RNF217: variants seen among roughly 807,000 people sequenced by gnomAD.
The protein encoded by RNF217 is E3 ubiquitin-protein ligase RNF217.
Under a neutral mutation model 57.8 loss-of-function variants are expected in RNF217, and 31 were observed. The ratio of observed to expected loss-of-function variants is 0.54; its 90% CI spans 0.40 to 0.72. RNF217 has a LOEUF of 0.72. RNF217 is among the 30% of genes least tolerant of loss of function. The pLI is 0.00. For missense variants in RNF217, 696 were observed against 708.3 expected, an observed-to-expected ratio of 0.98 and a Z score of 0.20; for synonymous variants, 313 against 294.0, an observed-to-expected ratio of 1.06 and a Z score of -0.66.
chr6:124,985,443 A>G (rs1490423353), intron 1 of RNF217, among the ~76,000 whole-genome samples: 1 of 152,218 alleles, frequency 6.6e-6, no homozygotes, highest in African/African-American at 2.4e-5. Context: ...TTGTGTTACA[A>G]ATAATCCAAT....
At chr6:125,050,515 A>G (rs1437128219) in intron 2 of RNF217, among the ~76,000 whole-genome samples, 2 of 151,972 alleles carry the variant, frequency 1.3e-5, no homozygotes. Flanking sequence ...AACACTACAC[A>G]AATATTTTCT....
intron 1 of RNF217, chr6:124,983,316 GT>G: frequency 1.1e-6 from 1 of 952,004 alleles, no homozygotes. Context: ...TAATTATTTG[GT>G]TTTCATGGTA....
At chr6:124,978,881 C>T (rs1047850068) in intron 1 of RNF217, among the ~76,000 whole-genome samples, 15 of 152,166 alleles carry the variant, frequency 9.9e-5, no homozygotes, top group East Asian at 1.9e-4. Flanking sequence ...AAGCTGTCAG[C>T]GGACAGGGCA....
In RNF217 at chr6:125,088,419, T is replaced by G. The variant is rs1177675475; in HGVS notation, c.*5482T>G. 1 of 152,172 alleles carries G rather than the reference T, an allele frequency of 6.6e-6. No homozygotes were observed. The highest frequency in any genetic ancestry group is 1.5e-5 in the Non-Finnish European group (1 of 68,028). 9.4% of individuals were successfully genotyped at this position (152,172 alleles called of 1,614,324 possible). On this transcript the variant is annotated 3_prime_UTR_variant, in exon 6 of 6. Transcript: ENST00000521654. The stretch of plus-strand genomic sequence containing the variant: ...AGCCAAACTTTGTGTGGGACTTCTA[T>G]TGTTACTAATTGTAAGGCTGTAACT...
At chr6:125,009,653 A>AT (rs950870910) in intron 1 of RNF217, among the ~76,000 whole-genome samples, 8 of 146,304 alleles carry the variant, frequency 5.5e-5, no homozygotes, top group Non-Finnish European at 7.6e-5. Context: ...TTTTCTTTCT[A>AT]TTTTTTTTAA....
At chr6:125,043,561 A>G (rs565590642) in intron 1 of RNF217, among the ~76,000 whole-genome samples, 106 of 152,172 alleles carry the variant, frequency 7.0e-4, no homozygotes, top group Non-Finnish European at 1.4e-3. Flanking sequence ...GAAACATTTA[A>G]TCATTTTTTA....
At chr6:125,011,862 G>A (rs1785426200) in intron 1 of RNF217, among the ~76,000 whole-genome samples, 1 of 151,840 alleles carries the variant, frequency 6.6e-6, no homozygotes, top group South Asian at 2.1e-4. Context: ...TTCTCGGTGA[G>A]ATAATAACTG....
At chr6:125,019,036 AC>A (rs1785723814) in intron 1 of RNF217, among the ~76,000 whole-genome samples, 1 of 152,172 alleles carries the variant, frequency 6.6e-6, no homozygotes, top group South Asian at 2.1e-4. Flanking sequence ...ATCCTAGGTT[AC>A]TGCTGCTTGG....
chr6:125,057,778 T>A (rs1292060023), intron 2 of RNF217, among the ~76,000 whole-genome samples, 164 bp from the exon 3 acceptor site: 1 of 152,176 alleles, frequency 6.6e-6, no homozygotes, highest in Non-Finnish European at 1.5e-5. Flanking sequence ...AATTCTTTCC[T>A]GTAGTAACAG....
intron 1 of RNF217, among the ~76,000 whole-genome samples, chr6:125,011,899 C>A (rs192781582): frequency 6.6e-6 from 1 of 152,118 alleles, no homozygotes; most frequent in East Asian, 1.9e-4. Flanking sequence ...GTGCTGAGTT[C>A]TTGACTCTTT....
intron 1 of RNF217, among the ~76,000 whole-genome samples, chr6:125,038,002 A>G (rs1316232372): frequency 6.6e-6 from 1 of 152,114 alleles, no homozygotes; most frequent in African/African-American, 2.4e-5. Context: ...GAGTTTAATT[A>G]ATTAGTCTGC....
rs536718548 is a variant in RNF217, at chr6:125,087,250, T to A, written c.*4313T>A. ...GAATTACAAAAAAGTTAGTGGCCTC[T>A]ATAACCTTAATTGGCATACTTTACT... On this transcript the variant is annotated 3_prime_UTR_variant, in exon 6 of 6. Coordinates refer to ENST00000521654, the MANE Select transcript of RNF217 (RefSeq NM_001286398.3). 3.9e-5 allele frequency: 6 copies of A among 152,290 alleles called. No homozygotes were observed. Among genetic ancestry groups the A allele is most frequent in the African/African-American group, 1.4e-4 (6 of 41,570 alleles). The allele number at this position is 152,290 out of a possible 1,614,324, so 9.4% of individuals were successfully genotyped here. A position where few individuals can be genotyped will look rare whatever the true frequency, so the allele number is the denominator to read the frequency against.
In RNF217 at chr6:124,963,133, C is replaced by T. The variant is rs1783368021; in HGVS notation, c.589C>T (p.Pro197Ser). ...ACCTGGGGCTCCGCCAGTGTTGAAC[C>T]CTCCCAGCACCCGCTCTTCCTTCCC... is the stretch of plus-strand genomic sequence containing the variant. ...SPPGAPPVLN[P>S]PSTRSSFPSP... Residue 197 changes from proline (P) to serine (S), a missense_variant, in exon 1 of 6, where the codon CCT becomes TCT. Coordinates refer to ENST00000521654, the MANE Select transcript of RNF217 (RefSeq NM_001286398.3). 3 of 1,534,118 alleles carry T rather than the reference C, an allele frequency of 2.0e-6. No homozygotes were observed. The East Asian group carries it at 7.3e-5, about 38-fold the overall frequency.
At chr6:125,031,215 G>A (rs6921147) in intron 1 of RNF217, among the ~76,000 whole-genome samples, 51,968 of 152,162 alleles carry the variant, frequency 0.34, 10,546 homozygotes, top group South Asian at 0.54. Flanking sequence ...TTCCTCCAGC[G>A]CCTCCAGGCC....
intron 1 of RNF217, among the ~76,000 whole-genome samples, chr6:125,033,106 T>A (rs556784): frequency 6.6e-6 from 1 of 152,088 alleles, no homozygotes; most frequent in Admixed American, 6.5e-5. Flanking sequence ...TTTCTTTTTT[T>A]TTCTTTTTTC....
At chr6:125,072,421 A>T (rs1582776886) in intron 3 of RNF217, among the ~76,000 whole-genome samples, 1 of 152,278 alleles carries the variant, frequency 6.6e-6, no homozygotes, top group East Asian at 1.9e-4. Flanking sequence ...CAATTTTACC[A>T]CTTCCTGTAC....
intron 3 of RNF217, among the ~76,000 whole-genome samples, chr6:125,061,245 A>G (rs1787722249): frequency 1.3e-5 from 2 of 152,072 alleles, no homozygotes; most frequent in African/African-American, 4.8e-5. Context: ...ACATATTGGC[A>G]ATTTGCTTTC....
chr6:124,973,998 C>T (rs768288149), intron 1 of RNF217, among the ~76,000 whole-genome samples: 10 of 152,178 alleles, frequency 6.6e-5, no homozygotes, highest in Admixed American at 2.6e-4. Flanking sequence ...GGCTGTCTAC[C>T]GAGTGCCCCC....
At chr6:124,966,985 C>T (rs914555824) in intron 1 of RNF217, among the ~76,000 whole-genome samples, 1 of 152,218 alleles carries the variant, frequency 6.6e-6, no homozygotes, top group African/African-American at 2.4e-5. Context: ...AATAACTTTA[C>T]AGTGCAGTAG....
Sources: gnomAD v4.1 joint callset for allele counts (sites outside exome capture counted in the v4.1 genomes callset) on GRCh38, gnomAD v4.1.1 for gene constraint, MANE v1.5 for transcripts, NCBI Gene and HGNC (gene_info 2026-07-23, HGNC 2026-07-21) for gene names.